AKAP17A: variants seen among roughly 807,000 people sequenced by gnomAD.
AKAP17A encodes the protein A-kinase anchor protein 17A.
AKAP17A carries 15 observed loss-of-function variants against 52.2 expected under a neutral mutation model. That is an observed-to-expected ratio of 0.29 (90% confidence interval 0.19 to 0.44). The LOEUF (loss-of-function observed/expected upper bound fraction) is 0.44. AKAP17A is among the 20% of genes least tolerant of loss of function. The probability of loss-of-function intolerance (pLI) is 1.00; values close to 1 mark genes in which losing one functional copy is unlikely to be tolerated. For missense variants in AKAP17A, 1,060 were observed against 1,007.0 expected (o/e 1.05, Z -0.71); for synonymous variants, 514 against 424.7 (o/e 1.21, Z -2.58).
chrX:1,594,332 C>T, intron 2 of AKAP17A, 108 bp downstream of exon 2: 1 of 1,329,500 alleles, frequency 7.5e-7, no homozygotes, highest in Non-Finnish European at 1.0e-6. Context: ...GTGGGGACCT[C>T]CCCTAAGTAA....
intron 2 of AKAP17A, 77 bp downstream of exon 2, chrX:1,594,301 C>T: frequency 6.8e-7 from 1 of 1,460,752 alleles, no homozygotes; most frequent in Admixed American, 2.4e-5. Context: ...GCAGAACGCT[C>T]CCAGCCACAC....
chrX:1,597,487 C>G (rs1211926979), intron 3 of AKAP17A, among the ~76,000 whole-genome samples: 1 of 152,010 alleles, frequency 6.6e-6, no homozygotes, highest in Non-Finnish European at 1.5e-5. Flanking sequence ...GGGGTTGAGT[C>G]CGGGTCCCCT....
At chrX:1,592,927 G>C (rs1227647343) in intron 1 of AKAP17A, among the ~76,000 whole-genome samples, 21 of 152,310 alleles carry the variant, frequency 1.4e-4, no homozygotes, top group African/African-American at 5.1e-4. Context: ...GTTCTGGATT[G>C]TTGTTGCAGC....
chrX:1,598,476 G>A (rs527782395), intron 3 of AKAP17A, among the ~76,000 whole-genome samples: 7 of 152,266 alleles, frequency 4.6e-5, no homozygotes, highest in African/African-American at 1.4e-4. Context: ...CTCCGCCTCC[G>A]TGTCGTGTTC....
At chrX:1,595,360 C>T in intron 2 of AKAP17A, 24 bp from the exon 3 acceptor site, 1 of 1,612,974 alleles carries the variant, frequency 6.2e-7, no homozygotes, top group Non-Finnish European at 8.5e-7. Flanking sequence ...GGAAGGCCAT[C>T]TGACACTGTT....
intron 2 of AKAP17A, among the ~76,000 whole-genome samples, 154 bp downstream of exon 2, chrX:1,594,378 G>C (rs1431907495): frequency 1.3e-5 from 2 of 152,158 alleles, no homozygotes; most frequent in African/African-American, 4.8e-5. Context: ...TCCAATTTCA[G>C]AGGCACAGGC....
In AKAP17A at chrX:1,593,825, C is replaced by T. The variant is rs1300626571; in HGVS notation, c.363C>T (p.Phe121=). ...KVRAAEFKID[F]PTRHDWDSFF... ...GCGCGGCCGAGTTCAAGATCGACTTCCCCACCCGCCACGACTGGGACTCCT... is the reference window on the plus strand; with the variant it reads ...GCGCGGCCGAGTTCAAGATCGACTTTCCCACCCGCCACGACTGGGACTCCT... Residue 121 remains phenylalanine, a synonymous_variant, in exon 2 of 5, where the codon TTC becomes TTT. Transcript: ENST00000313871. The T allele has an allele frequency of 1.9e-6, 3 of 1,609,468 alleles. No individual in the cohort carries two copies. The highest frequency in any genetic ancestry group is 1.3e-5 in the African/African-American group (1 of 74,900).
chrX:1,598,208 C>CACA (rs1569352520), intron 3 of AKAP17A, among the ~76,000 whole-genome samples: 4 of 152,174 alleles, frequency 2.6e-5, no homozygotes, highest in African/African-American at 9.6e-5. Context: ...GCTCACAGGG[C>CACA]GGTTAAACCT....
chrX:1,594,996 G>A (rs182503881), intron 2 of AKAP17A, among the ~76,000 whole-genome samples: 2,530 of 152,292 alleles, frequency 0.017, 74 homozygotes, highest in African/African-American at 0.057. Flanking sequence ...GCCTTAAGAT[G>A]TGCCCTGTGG....
chrX:1,597,490 G>T (rs1933068076), intron 3 of AKAP17A, among the ~76,000 whole-genome samples: 1 of 152,066 alleles, frequency 6.6e-6, no homozygotes. Flanking sequence ...GTTGAGTCCG[G>T]GTCCCCTGTG....
rs200231825 is a variant in AKAP17A, at chrX:1,600,877, C to T, written c.1371C>T (p.Gly457=). The T allele has an allele frequency of 9.8e-5, 155 of 1,584,360 alleles. No homozygotes were observed. The highest frequency in any genetic ancestry group is 6.7e-4 in the African/African-American group (50 of 74,670). Residue 457 remains glycine (G), a synonymous_variant, in exon 5 of 5, where the codon GGC becomes GGT. Transcript: ENST00000313871. The part of the protein sequence containing the change: ...PDDSHTHDEL[G]VAHADLLQPV... ...ACAGCCACACACACGACGAGCTGGG[C>T]GTGGCACACGCCGACCTGCTGCAGC...
Position 1,601,404 on chromosome X carries a change from G to A in AKAP17A, c.1898G>A (p.Ser633Asn). 1.3e-6 allele frequency: 2 copies of A among 1,560,968 alleles called. No individual in the cohort carries two copies. Among genetic ancestry groups the A allele is most frequent in the Non-Finnish European group, 1.7e-6 (2 of 1,161,032 alleles). The stretch of plus-strand genomic sequence containing the variant: ...AAGAAGCACGCCTACAAGGATGACA[G>A]CCCCCGCCGGCGCAGCACGAGCCCG... ...PHKKHAYKDDSPRRRSTSPDH... is the reference protein window; with the variant it reads ...PHKKHAYKDDNPRRRSTSPDH... Residue 633 changes from serine (S) to asparagine (N), a missense_variant, in exon 5 of 5, where the codon AGC becomes AAC. Coordinates refer to ENST00000313871, the MANE Select transcript of AKAP17A (RefSeq NM_005088.3).
At chrX:1,599,453 C>T (rs1290525864) in intron 4 of AKAP17A, 21 bp downstream of exon 4, 6 of 1,552,990 alleles carry the variant, frequency 3.9e-6, no homozygotes, top group Non-Finnish European at 5.2e-6. Flanking sequence ...GCTCCCTCTG[C>T]AGCCGCCAGC....
At chrX:1,593,353 G>C (rs1287413833) in intron 1 of AKAP17A, 91 bp from the exon 2 acceptor site, 3 of 1,295,334 alleles carry the variant, frequency 2.3e-6, no homozygotes, top group Non-Finnish European at 3.2e-6. Flanking sequence ...TCTCTTCTCC[G>C]GGTCCAGAAA....
intron 2 of AKAP17A, among the ~76,000 whole-genome samples, chrX:1,595,007 G>A (rs1245766455): frequency 1.3e-5 from 2 of 152,198 alleles, no homozygotes; most frequent in African/African-American, 4.8e-5. Flanking sequence ...TGCCCTGTGG[G>A]TGTGGGCAGG....
At position 1,601,972 on chromosome X, in the gene AKAP17A, C is replaced by G. The variant is rs1569356984; in HGVS notation, c.*378C>G. 3 of 220,830 alleles carry G rather than the reference C, an allele frequency of 1.4e-5. No individual in the cohort carries two copies. Among genetic ancestry groups the G allele is most frequent in the African/African-American group, 6.8e-5 (3 of 44,002 alleles). The allele number at this position is 220,830 out of a possible 1,614,324, so 13.7% of individuals were successfully genotyped here. On this transcript the variant is annotated 3_prime_UTR_variant, in exon 5 of 5. Coordinates refer to ENST00000313871, the MANE Select transcript of AKAP17A (RefSeq NM_005088.3). ...TTGGCGACCTCCCTGCGTGCACGGCCTAGGAGGTGCACGGGCCACCATAGT... is the reference window on the plus strand; with the variant it reads ...TTGGCGACCTCCCTGCGTGCACGGCGTAGGAGGTGCACGGGCCACCATAGT...
At chrX:1,600,370 G>T in intron 4 of AKAP17A, 1 of 641,998 alleles carries the variant, frequency 1.6e-6, no homozygotes, top group Non-Finnish European at 2.6e-6. Context: ...GCAGGGCTCG[G>T]CTCTGCCCAA....
At chrX:1,595,040 C>A (rs1402523478) in intron 2 of AKAP17A, among the ~76,000 whole-genome samples, 12 of 152,170 alleles carry the variant, frequency 7.9e-5, no homozygotes. Context: ...TGACTGTGGC[C>A]ACAGGGAATG....
chrX:1,600,269 A>T, intron 4 of AKAP17A: 1 of 1,158,438 alleles, frequency 8.6e-7, no homozygotes, highest in Non-Finnish European at 1.2e-6. Flanking sequence ...CGGCGGTGGC[A>T]TGCGTCTGCG....
Sources: gnomAD v4.1 joint callset for allele counts (sites outside exome capture counted in the v4.1 genomes callset) on GRCh38, gnomAD v4.1.1 for gene constraint, MANE v1.5 for transcripts, NCBI Gene and HGNC (gene_info 2026-07-23, HGNC 2026-07-21) for gene names.